The following NSD1 variants were observed in gnomAD, a reference collection of about 807,000 sequenced individuals.
The protein encoded by NSD1 is nuclear receptor binding SET domain protein 1.
NSD1 carries 26 observed loss-of-function variants against 242.7 expected under a neutral mutation model. The ratio of observed to expected loss-of-function variants is 0.11; its 90% CI spans 0.08 to 0.15. NSD1 has a LOEUF of 0.15. Among genes scored for constraint, NSD1 ranks in the 10% least tolerant of loss-of-function variants. NSD1 has a pLI of 1.00. For missense variants in NSD1, 2,495 were observed against 3,272.8 expected (o/e 0.76, Z 5.80); for synonymous variants, 1,106 against 1,178.1 (o/e 0.94, Z 1.25).
In NSD1 at chr5:177,134,771, T is replaced by C. The variant is rs191738274; in HGVS notation, c.-17-316T>C. 1.7e-3 allele frequency among the ~76,000 whole-genome samples: 257 copies of C among 152,288 alleles called. No individual in the cohort carries two copies. Among genetic ancestry groups the C allele is most frequent in the African/African-American group, 5.8e-3 (241 of 41,568 alleles). ...CCTGGCGAGGGAGGGGGAGGACTAGTCCTGTTTGAGAATTGGGAATTTTGA... is the reference window on the plus strand; with the variant it reads ...CCTGGCGAGGGAGGGGGAGGACTAGCCCTGTTTGAGAATTGGGAATTTTGA... On this transcript the variant is annotated intron_variant, in intron 1 of 22. Transcript: ENST00000439151. This position sits in a 1 kb window ranked among gnomAD's most constrained non-coding sequence, Gnocchi z 4.2.
chr5:177,295,502 A>G lies in NSD1; in HGVS notation c.*43A>G, dbSNP rs940774668. The G allele has an allele frequency of 6.9e-6, 11 of 1,592,336 alleles. No individual in the cohort carries two copies. Among genetic ancestry groups the G allele is most frequent in the African/African-American group, 1.3e-5 (1 of 74,502 alleles). ...TGAACAAACAAGCTGCCCCCAGGGT[A>G]CCATTTGGGGAGGGGAAATCTTTTC... On this transcript the variant is annotated 3_prime_UTR_variant, in exon 23 of 23. Coordinates refer to ENST00000439151, the MANE Select transcript of NSD1 (RefSeq NM_022455.5). The surrounding 1 kb of genome is among the most constrained non-coding windows in gnomAD (Gnocchi z 4.3).
intron 20 of NSD1, among the ~76,000 whole-genome samples, chr5:177,285,235 A>G (rs575868674): frequency 6.6e-6 from 1 of 152,290 alleles, no homozygotes; most frequent in African/African-American, 2.4e-5. Context: ...ATACCTATGC[A>G]TGTAACACCC....
intron 13 of NSD1, among the ~76,000 whole-genome samples, chr5:177,257,837 A>ATTTT (rs201609157): frequency 1.5e-5 from 2 of 132,590 alleles, no homozygotes; most frequent in East Asian, 2.1e-4. Context: ...ATTTTATTTT[A>ATTTT]TTTTATTTTT....
intron 8 of NSD1, among the ~76,000 whole-genome samples, chr5:177,241,683 TG>T (rs1273928751): frequency 1.3e-5 from 2 of 152,148 alleles, no homozygotes; most frequent in African/African-American, 2.4e-5. Flanking sequence ...TCAGAATTAT[TG>T]GTTATGGCTA....
At position 177,298,257 on chromosome 5, in the gene NSD1, C is replaced by T. The variant is rs1760375387; in HGVS notation, c.*2798C>T. The T allele has an allele frequency of 4.3e-6, 1 of 233,154 alleles. No homozygotes were observed. Among genetic ancestry groups the T allele is most frequent in the South Asian group, 1.8e-4 (1 of 5,514 alleles). The allele number at this position is 233,154 out of a possible 1,614,324, so 14.4% of individuals were successfully genotyped here. A position where few individuals can be genotyped will look rare whatever the true frequency, so the allele number is the denominator to read the frequency against. On this transcript the variant is annotated 3_prime_UTR_variant, in exon 23 of 23. Coordinates refer to ENST00000439151, the MANE Select transcript of NSD1 (RefSeq NM_022455.5). ...CTTTCATCTTAGAAAACTTCTGGTCCTTAACGCAGGGTGGTATTTGGGTAT... is the reference window on the plus strand; with the variant it reads ...CTTTCATCTTAGAAAACTTCTGGTCTTTAACGCAGGGTGGTATTTGGGTAT...
At chr5:177,179,721 A>C (rs560163147) in intron 2 of NSD1, among the ~76,000 whole-genome samples, 11 of 152,288 alleles carry the variant, frequency 7.2e-5, no homozygotes, top group Non-Finnish European at 1.2e-4. Flanking sequence ...TGGAATTTCA[A>C]CAGAAGGATT....
At chr5:177,221,658 A>T (rs1406793076) in intron 5 of NSD1, among the ~76,000 whole-genome samples, 1 of 151,812 alleles carries the variant, frequency 6.6e-6, no homozygotes, top group African/African-American at 2.4e-5. Context: ...TTTAGTAGAG[A>T]TGGGGTTTCA....
intron 2 of NSD1, among the ~76,000 whole-genome samples, chr5:177,189,575 T>A (rs769196840): frequency 3.0e-4 from 46 of 152,212 alleles, no homozygotes; most frequent in Non-Finnish European, 7.3e-5. Flanking sequence ...TCTGGAGTTG[T>A]ATCTCCCCAG....
intron 2 of NSD1, among the ~76,000 whole-genome samples, chr5:177,161,680 C>CTTTTTTTTTTTTTT (rs57657595): frequency 1.3e-4 from 17 of 135,224 alleles, no homozygotes; most frequent in Admixed American, 1.5e-4. Context: ...TTCTTTCTTT[C>CTTTTTTTTTTTTTT]TTTTTTTTTT....
At position 177,246,259 on chromosome 5, in the gene NSD1, G is replaced by A. The variant is rs892841742; in HGVS notation, c.4379-419G>A. Among the ~76,000 whole-genome samples, 140 of 152,074 alleles carry A rather than the reference G, an allele frequency of 9.2e-4. 2 individuals are homozygous for A. The highest frequency in any genetic ancestry group is 2.1e-4 in the Non-Finnish European group (14 of 67,962). Reference sequence around the variant, plus strand: ...TGCTGGGATTACAGGCTTGAGCCACGGTGCCCAGTCCTTAATCTTTAAATC... The same window carrying A: ...TGCTGGGATTACAGGCTTGAGCCACAGTGCCCAGTCCTTAATCTTTAAATC... On this transcript the variant is annotated intron_variant, in intron 9 of 22. Coordinates refer to ENST00000439151, the MANE Select transcript of NSD1 (RefSeq NM_022455.5).
rs538812397 is a variant in NSD1 at position 177,281,520 on chromosome 5, A to G, written c.5892+686A>G. 2.6e-5 allele frequency among the ~76,000 whole-genome samples: 4 copies of G among 152,314 alleles called. No homozygotes were observed. The South Asian group carries it at 6.2e-4, about 24-fold the overall frequency. On this transcript the variant is annotated intron_variant, in intron 18 of 22. Coordinates refer to ENST00000439151, the MANE Select transcript of NSD1 (RefSeq NM_022455.5). ...CTAACCAAGACGAGAGATATGGCCT[A>G]TACTTTCATAAAATTTACATTTCGG...
In NSD1 at chr5:177,295,013, T is replaced by A. The variant is rs200286873; in HGVS notation, c.7645T>A (p.Tyr2549Asn). ...LSQPPAKAFL[Y>N]EPTTQASGRA... is the part of the protein sequence containing the mutation. ...TCAGCCTCCTGCCAAGGCCTTTTTA[T>A]ATGAGCCAACAACTCAGGCCTCAGG... The change falls in exon 23 of 23, where the codon TAT (tyrosine) becomes AAT (asparagine). Residue 2549 changes from tyrosine (Y) to asparagine (N), a missense_variant. Coordinates refer to ENST00000439151, the MANE Select transcript of NSD1 (RefSeq NM_022455.5). This position sits in a 1 kb window ranked among gnomAD's most constrained non-coding sequence, Gnocchi z 4.3. The A allele has an allele frequency of 6.2e-7, 1 of 1,614,226 alleles. No individual in the cohort carries two copies. The highest frequency in any genetic ancestry group is 2.2e-5 in the East Asian group (1 of 44,894).
chr5:177,277,067 T>TG (rs1267346430), intron 17 of NSD1, among the ~76,000 whole-genome samples: 2 of 151,896 alleles, frequency 1.3e-5, no homozygotes, highest in Non-Finnish European at 2.9e-5. Flanking sequence ...ATTGAGCTAC[T>TG]GAGAGAGCAG....
chr5:177,135,020 G>A, intron 1 of NSD1, 67 bp from the exon 2 acceptor site: 1 of 1,405,626 alleles, frequency 7.1e-7, no homozygotes, highest in Admixed American at 1.7e-5. Context: ...TGAAGTGGCT[G>A]CCATTTTAAA....
chr5:177,266,236 C>T (rs1198897426), intron 14 of NSD1: 10 of 826,508 alleles, frequency 1.2e-5, no homozygotes, highest in Non-Finnish European at 1.7e-5. Flanking sequence ...CCTTTTCCAC[C>T]GGGAGCTCTA....
At chr5:177,159,582 C>T (rs1304616296) in intron 2 of NSD1, among the ~76,000 whole-genome samples, 4 of 150,898 alleles carry the variant, frequency 2.7e-5, no homozygotes, top group African/African-American at 9.8e-5. Flanking sequence ...CCAAGTCTGG[C>T]CTAAGTCTGA....
chr5:177,146,809 G>T (rs1273665583), intron 2 of NSD1, among the ~76,000 whole-genome samples: 2 of 151,672 alleles, frequency 1.3e-5, no homozygotes, highest in Non-Finnish European at 2.9e-5. Context: ...TTCGAGACCA[G>T]TCTGGCCAAC....
intron 2 of NSD1, among the ~76,000 whole-genome samples, chr5:177,145,212 A>G (rs1319628835): frequency 6.7e-6 from 1 of 150,120 alleles, no homozygotes; most frequent in Non-Finnish European, 1.5e-5. Flanking sequence ...CTCTCTACAC[A>G]CCCCTTTTTT....
chr5:177,241,549 C>A (rs1562248501), intron 8 of NSD1, among the ~76,000 whole-genome samples: 1 of 152,126 alleles, frequency 6.6e-6, no homozygotes, highest in Non-Finnish European at 1.5e-5. Context: ...TTTATCCTCA[C>A]CCTCTCTTAG....
Sources: allele counts gnomAD v4.1 joint callset (sites outside exome capture counted in the v4.1 genomes callset), GRCh38; gene constraint gnomAD v4.1.1; non-coding constraint Gnocchi (gnomAD v3.1); transcripts MANE v1.5; gene names NCBI Gene and HGNC (gene_info 2026-07-23, HGNC 2026-07-21).